Variants in PRKCQ observed in about 807,000 individuals in gnomAD.
PRKCQ encodes protein kinase C theta type.
A neutral mutation model predicts 91.2 loss-of-function variants in PRKCQ; 41 were observed. The ratio of observed to expected loss-of-function variants is 0.45; its 90% CI spans 0.35 to 0.58. The LOEUF (loss-of-function observed/expected upper bound fraction) is 0.58. Ranked by LOEUF, PRKCQ falls within the 20% of genes least tolerant of loss-of-function variation. The pLI is 0.00. For synonymous variants in PRKCQ, 307 were observed against 316.9 expected (o/e 0.97, Z 0.33); for missense variants, 673 against 896.5 (o/e 0.75, Z 3.18).
downstream of PRKCQ, among the ~76,000 whole-genome samples, chr10:6,425,003 G>A (rs616080): frequency 0.022 from 3,289 of 152,270 alleles, 57 homozygotes; most frequent in African/African-American, 0.04. Context: ...CCCGCACTGC[G>A]TCCCCTAGAA....
chr10:6,552,405 A>C (rs1395561346), intron 1 of PRKCQ, among the ~76,000 whole-genome samples: 2 of 151,892 alleles, frequency 1.3e-5, no homozygotes, highest in African/African-American at 4.8e-5. Context: ...CAGTGCGTGC[A>C]GTCTCCATTC....
intron 9 of PRKCQ, among the ~76,000 whole-genome samples, chr10:6,485,814 G>T (rs1307683645): frequency 6.6e-6 from 1 of 152,218 alleles, no homozygotes; most frequent in African/African-American, 2.4e-5. Context: ...ATGCCATGAA[G>T]AATTTAAGAT....
At chr10:6,533,078 C>G (rs1839447502) in intron 1 of PRKCQ, among the ~76,000 whole-genome samples, 1 of 152,168 alleles carries the variant, frequency 6.6e-6, no homozygotes, top group Admixed American at 6.6e-5. Flanking sequence ...AGAATTCCCA[C>G]TTAACCCCTG....
intron 1 of PRKCQ, among the ~76,000 whole-genome samples, chr10:6,548,263 G>T (rs1271883894): frequency 1.3e-5 from 2 of 151,284 alleles, no homozygotes; most frequent in East Asian, 3.9e-4. Flanking sequence ...GGAGAAATAG[G>T]AACACTTTTA....
At chr10:6,542,132 T>C (rs949376268) in intron 1 of PRKCQ, among the ~76,000 whole-genome samples, 1 of 152,206 alleles carries the variant, frequency 6.6e-6, no homozygotes, top group Non-Finnish European at 1.5e-5. Flanking sequence ...ACGAAGCCAA[T>C]ACAAAGCTCA....
At chr10:6,466,765 G>A (rs966692553) in intron 12 of PRKCQ, among the ~76,000 whole-genome samples, 2 of 152,184 alleles carry the variant, frequency 1.3e-5, no homozygotes, top group African/African-American at 4.8e-5. Flanking sequence ...ACCCACAGCT[G>A]ACTAGAACCT....
In PRKCQ at chr10:6,580,201, G is replaced by C. The variant is rs1841418423; in HGVS notation, c.-10+10C>G. The C allele has an allele frequency of 6.5e-6, 1 of 152,936 alleles. No homozygotes were observed. Among genetic ancestry groups the C allele is most frequent in the Non-Finnish European group, 1.5e-5 (1 of 68,672 alleles). 9.5% of individuals were successfully genotyped at this position (152,936 alleles called of 1,614,324 possible). A position where few individuals can be genotyped will look rare whatever the true frequency, so the allele number is the denominator to read the frequency against. On this transcript the variant is annotated intron_variant, in intron 1 of 17. Transcript: ENST00000263125. ...CCCTCCCGGCGGCGGCGCGGGGCGC[G>C]GGGCCCTACCTGGAGCGAGCACGGC...
At chr10:6,416,308 C>A in the PRKCQ span, among the ~76,000 whole-genome samples, 1 of 151,928 alleles carries the variant, frequency 6.6e-6, no homozygotes, top group African/African-American at 2.4e-5. Flanking sequence ...TTTTGGTGCA[C>A]CCATTACCTG....
intron 1 of PRKCQ, among the ~76,000 whole-genome samples, chr10:6,566,964 G>A (rs1840858663): frequency 6.6e-6 from 1 of 152,118 alleles, no homozygotes; most frequent in Non-Finnish European, 1.5e-5. Flanking sequence ...TAACTGGAGG[G>A]AAATAAAATA....
chr10:6,499,807 A>C (rs1837804715), intron 4 of PRKCQ, among the ~76,000 whole-genome samples: 1 of 152,222 alleles, frequency 6.6e-6, no homozygotes. Context: ...ATTATCTTCC[A>C]AGATACCTTA....
chr10:6,447,445 C>A (rs1327673435), intron 15 of PRKCQ, among the ~76,000 whole-genome samples: 1 of 150,762 alleles, frequency 6.6e-6, no homozygotes, highest in African/African-American at 2.4e-5. Flanking sequence ...CCCTGTTTAA[C>A]TGCCTTCCTA....
intron 12 of PRKCQ, among the ~76,000 whole-genome samples, chr10:6,468,310 C>T (rs1362535191): frequency 6.6e-6 from 1 of 152,186 alleles, no homozygotes; most frequent in Non-Finnish European, 1.5e-5. Context: ...ACACTGCTTT[C>T]TTCTTACAGT....
At chr10:6,513,221 C>T (rs2130864354) in intron 2 of PRKCQ, among the ~76,000 whole-genome samples, 1 of 152,104 alleles carries the variant, frequency 6.6e-6, no homozygotes, top group Admixed American at 6.5e-5. Context: ...CAGCCTTACA[C>T]CCCAAGAACT....
At chr10:6,571,816 A>G (rs1245487071) in intron 1 of PRKCQ, among the ~76,000 whole-genome samples, 1 of 152,088 alleles carries the variant, frequency 6.6e-6, no homozygotes, top group Non-Finnish European at 1.5e-5. Flanking sequence ...AAACAAACAA[A>G]CAAACAAACC....
intron 15 of PRKCQ, among the ~76,000 whole-genome samples, chr10:6,456,229 T>C (rs1763110918): frequency 6.6e-6 from 1 of 152,226 alleles, no homozygotes; most frequent in South Asian, 2.1e-4. Flanking sequence ...ACATCAGCAT[T>C]ATACCCATTT....
chr10:6,428,216 C>T lies in PRKCQ; in HGVS notation c.2112G>A (p.Leu704=), dbSNP rs1252426030. The change falls in exon 18 of 18, where the codon CTG becomes CTA. Residue 704 remains leucine (L), a synonymous_variant. Coordinates refer to ENST00000263125, the MANE Select transcript of PRKCQ (RefSeq NM_006257.5). ...FSFMNPGMER[L]IS is the part of the protein sequence containing the mutation. ...TCTGGAGGGGCAAGATTCAGGATATCAGCCGCTCCATCCCGGGGTTCATGA... is the reference window on the plus strand; with the variant it reads ...TCTGGAGGGGCAAGATTCAGGATATTAGCCGCTCCATCCCGGGGTTCATGA... 3 of 1,614,038 alleles carry T rather than the reference C, an allele frequency of 1.9e-6. No homozygotes were observed. The highest frequency in any genetic ancestry group is 1.7e-5 in the Admixed American group (1 of 59,982).
intron 1 of PRKCQ, among the ~76,000 whole-genome samples, chr10:6,535,718 T>A (rs1839557071): frequency 6.6e-6 from 1 of 152,100 alleles, no homozygotes; most frequent in South Asian, 2.1e-4. Flanking sequence ...CCCCTCTTGG[T>A]CTTTTGAAGT....
At chr10:6,570,765 G>C (rs1841014205) in intron 1 of PRKCQ, among the ~76,000 whole-genome samples, 1 of 152,010 alleles carries the variant, frequency 6.6e-6, no homozygotes. Context: ...GTGTTGGCCA[G>C]GATGGTCTAA....
chr10:6,412,643 A>T, the PRKCQ span, among the ~76,000 whole-genome samples: 1 of 152,226 alleles, frequency 6.6e-6, no homozygotes, highest in African/African-American at 2.4e-5. Flanking sequence ...TCAGTGGGGG[A>T]AGGACAGATC....
Sources: allele counts gnomAD v4.1 joint callset (sites outside exome capture counted in the v4.1 genomes callset), GRCh38; gene constraint gnomAD v4.1.1; transcripts MANE v1.5; gene names NCBI Gene and HGNC (gene_info 2026-07-23, HGNC 2026-07-21).